CSGALNACT1: variants seen among roughly 807,000 people sequenced by gnomAD.
CSGALNACT1 encodes beta4GalNAcT-1.
Under a neutral mutation model 51.0 loss-of-function variants are expected in CSGALNACT1, and 52 were observed. The ratio of observed to expected loss-of-function variants is 1.02; its 90% CI spans 0.82 to 1.29. The LOEUF is 1.29. Among genes scored for constraint, CSGALNACT1 ranks in the 50% most tolerant of loss-of-function variants. CSGALNACT1 has a pLI of 0.00. For synonymous variants in CSGALNACT1, 341 were observed against 254.4 expected (o/e 1.34, Z -3.24); for missense variants, 935 against 679.2 (o/e 1.38, Z -4.19).
intron 3 of CSGALNACT1, among the ~76,000 whole-genome samples, chr8:19,584,843 C>T (rs866746369): frequency 3.3e-5 from 5 of 152,254 alleles, no homozygotes; most frequent in Middle Eastern, 3.4e-3. Context: ...GGCTTGTCAT[C>T]CAGACCAACA....
intron 1 of CSGALNACT1, among the ~76,000 whole-genome samples, chr8:19,663,651 G>A (rs920238395): frequency 6.6e-6 from 1 of 152,140 alleles, no homozygotes; most frequent in Non-Finnish European, 1.5e-5. Context: ...TACCAATTGG[G>A]GAGGAAGACA....
intron 1 of CSGALNACT1, among the ~76,000 whole-genome samples, chr8:19,739,166 A>G (rs563931498): frequency 3.3e-5 from 5 of 151,958 alleles, no homozygotes; most frequent in Admixed American, 3.3e-4. Flanking sequence ...GTGCTACTCA[A>G]GGAAAAATCT....
At chr8:19,681,519 A>G (rs2060619517) in intron 1 of CSGALNACT1, among the ~76,000 whole-genome samples, 1 of 152,212 alleles carries the variant, frequency 6.6e-6, no homozygotes. Flanking sequence ...AGCAGATACA[A>G]GACAAGTCTC....
At chr8:19,673,073 C>A (rs1034399929) in intron 1 of CSGALNACT1, among the ~76,000 whole-genome samples, 2 of 152,204 alleles carry the variant, frequency 1.3e-5, no homozygotes, top group Non-Finnish European at 2.9e-5. Flanking sequence ...ATAATGTAGC[C>A]TTAGAACAAG....
intron 1 of CSGALNACT1, among the ~76,000 whole-genome samples, chr8:19,709,121 A>G (rs1324011175): frequency 1.3e-5 from 2 of 152,232 alleles, no homozygotes; most frequent in East Asian, 3.8e-4. Flanking sequence ...AAACAGGAAC[A>G]GGGCTGGATT....
chr8:19,611,986 A>C (rs2052332727), intron 1 of CSGALNACT1, among the ~76,000 whole-genome samples: 1 of 152,074 alleles, frequency 6.6e-6, no homozygotes, highest in African/African-American at 2.4e-5. Context: ...GACTCCATCC[A>C]GCTTTGTGAT....
At chr8:19,716,194 A>G (rs535049929) in intron 1 of CSGALNACT1, among the ~76,000 whole-genome samples, 2 of 152,048 alleles carry the variant, frequency 1.3e-5, no homozygotes, top group African/African-American at 2.4e-5. Flanking sequence ...CCCAAAATAA[A>G]GCTTTTGTCT....
At chr8:19,668,766 T>C (rs2059571809) in intron 1 of CSGALNACT1, among the ~76,000 whole-genome samples, 2 of 152,142 alleles carry the variant, frequency 1.3e-5, no homozygotes, top group South Asian at 4.1e-4. Context: ...TTGCCCAGGC[T>C]GGTCTTGAAC....
At chr8:19,620,496 G>A (rs1011232749) in intron 1 of CSGALNACT1, among the ~76,000 whole-genome samples, 3 of 150,784 alleles carry the variant, frequency 2.0e-5, no homozygotes, top group South Asian at 2.1e-4. Context: ...ACAGTGGCAC[G>A]ATCATAGGTC....
chr8:19,537,493 T>G (rs1440711730), intron 3 of CSGALNACT1, among the ~76,000 whole-genome samples: 1 of 152,216 alleles, frequency 6.6e-6, no homozygotes, highest in African/African-American at 2.4e-5. Flanking sequence ...TTATTCAATA[T>G]GTACATTTGA....
intron 1 of CSGALNACT1, among the ~76,000 whole-genome samples, chr8:19,609,190 TATTGAG>T (rs1469017169): frequency 6.6e-6 from 1 of 151,400 alleles, no homozygotes; most frequent in Non-Finnish European, 1.5e-5. Context: ...TTTTTTTTTA[TATTGAG>T]ATTGAGGGAG....
At chr8:19,435,062 A>T (rs904097593) in intron 6 of CSGALNACT1, among the ~76,000 whole-genome samples, 7 of 152,120 alleles carry the variant, frequency 4.6e-5, no homozygotes, top group Admixed American at 3.3e-4. Flanking sequence ...GCAGTGTCTC[A>T]TTTCTAGCAT....
chr8:19,689,979 G>C (rs778207111), intron 1 of CSGALNACT1, among the ~76,000 whole-genome samples: 5 of 152,172 alleles, frequency 3.3e-5, no homozygotes, highest in Non-Finnish European at 5.9e-5. Context: ...ATCTTTAGAT[G>C]AAATGATGCC....
chr8:19,526,795 T>G (rs2154044575), intron 3 of CSGALNACT1, among the ~76,000 whole-genome samples: 1 of 152,288 alleles, frequency 6.6e-6, no homozygotes, highest in South Asian at 2.1e-4. Context: ...AGGTATTTCA[T>G]GAGTATAGCA....
chr8:19,462,222 A>T (rs2065719609), intron 4 of CSGALNACT1, among the ~76,000 whole-genome samples: 1 of 152,272 alleles, frequency 6.6e-6, no homozygotes, highest in Admixed American at 6.5e-5. Flanking sequence ...CGTGTGGGTG[A>T]CTGCATCTCG....
intron 1 of CSGALNACT1, among the ~76,000 whole-genome samples, chr8:19,742,519 T>C (rs1202707736): frequency 6.6e-6 from 1 of 152,206 alleles, no homozygotes; most frequent in African/African-American, 2.4e-5. Flanking sequence ...TGAGACCTGG[T>C]CTGGCCCAGC....
chr8:19,407,786 T>C (rs1473894272), intron 9 of CSGALNACT1, among the ~76,000 whole-genome samples: 2 of 149,538 alleles, frequency 1.3e-5, no homozygotes, highest in Non-Finnish European at 2.9e-5. Context: ...TGTGCACATG[T>C]GGACATTTGT....
chr8:19,719,095 G>A (rs1407266640), intron 1 of CSGALNACT1, among the ~76,000 whole-genome samples: 1 of 152,166 alleles, frequency 6.6e-6, no homozygotes, highest in Non-Finnish European at 1.5e-5. Context: ...TTTCTACGAA[G>A]TACACAGGAC....
exon 6 of CSGALNACT1, chr8:19,439,842 T>G: frequency 6.2e-7 from 1 of 1,612,646 alleles, no homozygotes; most frequent in Non-Finnish European, 8.5e-7. Flanking sequence ...GGAAGTGTTT[T>G]CAAGTATTCC....
Sources: gnomAD v4.1 joint callset for allele counts (sites outside exome capture counted in the v4.1 genomes callset) on GRCh38, gnomAD v4.1.1 for gene constraint, MANE v1.5 for transcripts, NCBI Gene and HGNC (gene_info 2026-07-23, HGNC 2026-07-21) for gene names.